PRRX1: variants seen among roughly 807,000 people sequenced by gnomAD.
PRRX1 encodes paired mesoderm homeobox protein 1.
A neutral mutation model predicts 24.0 loss-of-function variants in PRRX1; 8 were observed. That is an observed-to-expected ratio of 0.33 (90% confidence interval 0.20 to 0.60). The LOEUF (loss-of-function observed/expected upper bound fraction) is 0.60. Among genes scored for constraint, PRRX1 ranks in the 20% least tolerant of loss-of-function variants. PRRX1 has a pLI of 0.82. For missense variants in PRRX1, 281 were observed against 322.4 expected, an observed-to-expected ratio of 0.87 and a Z score of 0.98; for synonymous variants, 160 against 131.7, an observed-to-expected ratio of 1.22 and a Z score of -1.47.
At chr1:170,683,678 A>G (rs759256982) in intron 1 of PRRX1, among the ~76,000 whole-genome samples, 2 of 152,174 alleles carry the variant, frequency 1.3e-5, no homozygotes, top group Non-Finnish European at 1.5e-5. Flanking sequence ...TTTTCCCAGA[A>G]AGGAAGGGTT....
At chr1:170,701,155 G>A (rs1481347452) in intron 1 of PRRX1, among the ~76,000 whole-genome samples, 1 of 151,994 alleles carries the variant, frequency 6.6e-6, no homozygotes, top group Non-Finnish European at 1.5e-5. Flanking sequence ...TCTTCTTTAT[G>A]ACTCATCTAT....
chr1:170,719,777 G>T lies in PRRX1; in HGVS notation c.293G>T (p.Arg98Met). Residue 98 changes from arginine (R) to methionine (M), a missense_variant, in exon 2 of 4, where the codon AGG (arginine) becomes ATG (methionine). Physicochemically the swap from Arg to Met is moderately conservative, Grantham distance 91 (BLOSUM62 -1). Coordinates refer to ENST00000239461, the MANE Select transcript of PRRX1 (RefSeq NM_022716.4). The part of the protein sequence containing the change: ...EKKKRKQRRN[R>M]TTFNSSQLQA... Reference sequence around the variant, plus strand: ...AAGAAGAGAAAGCAGCGAAGGAATAGGACAACCTTCAATAGCAGCCAGCTG... The same window carrying T: ...AAGAAGAGAAAGCAGCGAAGGAATATGACAACCTTCAATAGCAGCCAGCTG... 1 of 1,614,182 alleles carries T rather than the reference G, an allele frequency of 6.2e-7. No individual in the cohort carries two copies. Among genetic ancestry groups the T allele is most frequent in the Non-Finnish European group, 8.5e-7 (1 of 1,180,030 alleles).
chr1:170,726,318 G>A lies in PRRX1; in HGVS notation c.516G>A (p.Val172=). 3.1e-6 allele frequency: 5 copies of A among 1,614,078 alleles called. No individual in the cohort carries two copies. Among genetic ancestry groups the A allele is most frequent in the Non-Finnish European group, 3.4e-6 (4 of 1,179,984 alleles). ...TCCTCAAATCCTACTCAGGAGACGT[G>A]ACTGCTGTGGAGCAGCCCATCGTAC... ...ASLLKSYSGD[V]TAVEQPIVPR... The change falls in exon 3 of 4, where the codon GTG becomes GTA. Residue 172 remains valine (V), a synonymous_variant. Transcript: ENST00000239461.
intron 1 of PRRX1, among the ~76,000 whole-genome samples, chr1:170,673,679 T>C (rs749987437): frequency 6.6e-6 from 1 of 152,208 alleles, no homozygotes; most frequent in Non-Finnish European, 1.5e-5. Flanking sequence ...AACATGGAAC[T>C]AACGAACTTT....
intron 1 of PRRX1, among the ~76,000 whole-genome samples, chr1:170,666,290 C>A (rs1356094391): frequency 6.6e-6 from 1 of 151,664 alleles, no homozygotes; most frequent in Admixed American, 6.6e-5. Context: ...TAGTGCCGAG[C>A]GCCTGTAATC....
intron 2 of PRRX1, among the ~76,000 whole-genome samples, chr1:170,723,293 G>T (rs1228373480): frequency 6.6e-6 from 1 of 152,080 alleles, no homozygotes; most frequent in Non-Finnish European, 1.5e-5. Context: ...TGTGTATGTT[G>T]GCCCCTCGAG....
chr1:170,720,207 G>A (rs904875964), intron 2 of PRRX1, among the ~76,000 whole-genome samples: 6 of 152,158 alleles, frequency 3.9e-5, no homozygotes, highest in African/African-American at 7.2e-5. Context: ...GAGCCTGGGG[G>A]GTGGAGGTTG....
chr1:170,714,871 C>A (rs1394937641), intron 1 of PRRX1, among the ~76,000 whole-genome samples: 1 of 152,138 alleles, frequency 6.6e-6, no homozygotes, highest in African/African-American at 2.4e-5. Context: ...TATTTGAATG[C>A]ACAGAGGGTA....
At chr1:170,683,535 T>C (rs1486916269) in intron 1 of PRRX1, among the ~76,000 whole-genome samples, 3 of 152,152 alleles carry the variant, frequency 2.0e-5, no homozygotes, top group African/African-American at 7.2e-5. Flanking sequence ...CTTACCATGG[T>C]GGGCTCCCTA....
intron 1 of PRRX1, among the ~76,000 whole-genome samples, chr1:170,677,494 T>A (rs1261722329): frequency 6.6e-6 from 1 of 152,246 alleles, no homozygotes; most frequent in East Asian, 1.9e-4. Context: ...CTAGTATGAC[T>A]TATTTCAGGC....
At chr1:170,692,882 G>A (rs540042705) in intron 1 of PRRX1, among the ~76,000 whole-genome samples, 6 of 152,058 alleles carry the variant, frequency 3.9e-5, no homozygotes, top group South Asian at 4.1e-4. Flanking sequence ...AGGTGTCTTG[G>A]GAAATTTTAG....
chr1:170,693,953 G>GT (rs557436331), intron 1 of PRRX1, among the ~76,000 whole-genome samples: 26 of 151,214 alleles, frequency 1.7e-4, no homozygotes, highest in African/African-American at 2.7e-4. Context: ...TTTATTACTA[G>GT]TTTTTTTTTC....
intron 1 of PRRX1, among the ~76,000 whole-genome samples, chr1:170,716,957 G>A (rs1438480793): frequency 6.6e-6 from 1 of 152,134 alleles, no homozygotes; most frequent in Non-Finnish European, 1.5e-5. Flanking sequence ...GAAAAACAGG[G>A]AGCTCACATT....
At chr1:170,668,005 C>T (rs1271213307) in intron 1 of PRRX1, 1 of 152,206 alleles carries the variant, frequency 6.6e-6, no homozygotes, top group African/African-American at 2.4e-5. Context: ...AATTCTGTCC[C>T]CACCCCCACC....
At chr1:170,720,203 G>A (rs1192116206) in intron 2 of PRRX1, among the ~76,000 whole-genome samples, 2 of 152,128 alleles carry the variant, frequency 1.3e-5, no homozygotes, top group Non-Finnish European at 2.9e-5. Flanking sequence ...GCTTGAGCCT[G>A]GGGGGTGGAG....
chr1:170,683,311 G>A (rs938467312), intron 1 of PRRX1, among the ~76,000 whole-genome samples: 6 of 152,170 alleles, frequency 3.9e-5, no homozygotes, highest in East Asian at 1.9e-4. Context: ...AGCAGTGGTC[G>A]GCACCCAGAG....
rs138657141 is a variant in PRRX1 at position 170,699,797 on chromosome 1, G to A, written c.242-19929G>A. 6.5e-3 allele frequency among the ~76,000 whole-genome samples: 986 copies of A among 152,078 alleles called. 11 individuals carry two copies. Among genetic ancestry groups the A allele is most frequent in the African/African-American group, 0.022 (910 of 41,468 alleles). On this transcript the variant is annotated intron_variant, in intron 1 of 3. Transcript: ENST00000239461. ...GTCACCTAGGCTGGAGTGTGGTGGC[G>A]TGATCTAGGCTCACTGCAACCTCCC... is the stretch of plus-strand genomic sequence containing the variant.
In PRRX1 at chr1:170,734,807, G is replaced by T. The variant is rs1571353508; in HGVS notation, c.600-1241G>T. ...TTTCTTGAGTTAATTATTAGTAACT[G>T]AGCTGAAATAGGTTATTATGAGTTT... On this transcript the variant is annotated intron_variant, in intron 3 of 3. Coordinates refer to ENST00000239461, the MANE Select transcript of PRRX1 (RefSeq NM_022716.4). Among the ~76,000 whole-genome samples the T allele has an allele frequency of 3.3e-5, 5 of 152,254 alleles. No individual in the cohort carries two copies. In the South Asian group the frequency reaches 1.0e-3, roughly 32 times the overall value.
intron 1 of PRRX1, among the ~76,000 whole-genome samples, chr1:170,682,204 T>C (rs1464112048): frequency 6.6e-6 from 1 of 152,044 alleles, no homozygotes; most frequent in African/African-American, 2.4e-5. Context: ...AGGCAAAATT[T>C]AGAACTAGAT....
Sources: gnomAD v4.1 joint callset for allele counts (sites outside exome capture counted in the v4.1 genomes callset) on GRCh38, gnomAD v4.1.1 for gene constraint, MANE v1.5 for transcripts, NCBI Gene and HGNC (gene_info 2026-07-23, HGNC 2026-07-21) for gene names.